The following NDST4 variants were observed in gnomAD, a reference collection of about 807,000 sequenced individuals.
The protein encoded by NDST4 is N-heparan sulfate sulfotransferase 4.
A neutral mutation model predicts 100.8 loss-of-function variants in NDST4; 63 were observed. The observed-to-expected ratio is 0.62, with a 90% CI of 0.51 to 0.77. The LOEUF (loss-of-function observed/expected upper bound fraction) is 0.77, where lower values mean the gene tolerates loss of function less well. Ranked by LOEUF, NDST4 falls within the 30% of genes least tolerant of loss-of-function variation. NDST4 has a pLI of 0.00. For missense variants in NDST4, 943 were observed against 1,018.4 expected, an observed-to-expected ratio of 0.93 and a Z score of 1.01; for synonymous variants, 377 against 361.8, an observed-to-expected ratio of 1.04 and a Z score of -0.48.
chr4:114,990,301 TTAAAA>T (rs1213477319), intron 2 of NDST4, among the ~76,000 whole-genome samples: 1 of 152,068 alleles, frequency 6.6e-6, no homozygotes, highest in Non-Finnish European at 1.5e-5. Flanking sequence ...CACTGAATTA[TTAAAA>T]TAAAACTCCT....
At chr4:115,025,781 T>C (rs1443086787) in intron 2 of NDST4, among the ~76,000 whole-genome samples, 1 of 152,186 alleles carries the variant, frequency 6.6e-6, no homozygotes, top group African/African-American at 2.4e-5. Context: ...TCAAATGTAG[T>C]AACCCTGGGT....
chr4:114,949,219 T>C (rs1416050394), intron 4 of NDST4, among the ~76,000 whole-genome samples: 1 of 151,944 alleles, frequency 6.6e-6, no homozygotes, highest in Non-Finnish European at 1.5e-5. Flanking sequence ...TTAGAAAGTA[T>C]TAAAATATTA....
At chr4:114,861,463 G>T (rs931755360) in intron 7 of NDST4, among the ~76,000 whole-genome samples, 1 of 152,122 alleles carries the variant, frequency 6.6e-6, no homozygotes, top group Non-Finnish European at 1.5e-5. Context: ...AGTTAGGCAA[G>T]ATTAGTTAGG....
chr4:114,889,820 T>C (rs1271821674), intron 6 of NDST4, among the ~76,000 whole-genome samples: 1 of 152,158 alleles, frequency 6.6e-6, no homozygotes, highest in Non-Finnish European at 1.5e-5. Flanking sequence ...ATGGGGAATT[T>C]TTTTATTTTC....
At chr4:115,016,927 C>T (rs986923661) in intron 2 of NDST4, among the ~76,000 whole-genome samples, 1 of 151,788 alleles carries the variant, frequency 6.6e-6, no homozygotes, top group African/African-American at 2.4e-5. Flanking sequence ...GACCATGTGA[C>T]CAGTTGTAGA....
At chr4:115,050,677 G>A (rs1728563717) in intron 2 of NDST4, among the ~76,000 whole-genome samples, 1 of 152,056 alleles carries the variant, frequency 6.6e-6, no homozygotes, top group Non-Finnish European at 1.5e-5. Flanking sequence ...TGGTTATTGT[G>A]TTCATGAATC....
chr4:114,881,248 G>T (rs945752643), intron 6 of NDST4, among the ~76,000 whole-genome samples: 2 of 152,004 alleles, frequency 1.3e-5, no homozygotes, highest in African/African-American at 2.4e-5. Flanking sequence ...TGATTGAGAG[G>T]TGATGACTAC....
intron 1 of NDST4, 87 bp downstream of exon 1, chr4:115,113,353 CTTTA>C (rs141646286): frequency 5.9e-5 from 9 of 152,026 alleles, no homozygotes; most frequent in African/African-American, 2.2e-4. Flanking sequence ...ACAAATAAAA[CTTTA>C]TTGTGTCCGA....
At chr4:114,929,113 C>CATCTATCT (rs70964332) in intron 6 of NDST4, among the ~76,000 whole-genome samples, 6,665 of 116,884 alleles carry the variant, frequency 0.057, 438 homozygotes, top group East Asian at 0.12. Flanking sequence ...TCCATCCATC[C>CATCTATCT]ATCTATCTAT....
intron 10 of NDST4, among the ~76,000 whole-genome samples, chr4:114,845,123 A>G (rs1723516770): frequency 6.6e-6 from 1 of 152,112 alleles, no homozygotes; most frequent in Admixed American, 6.6e-5. Context: ...CGAGCCCGGG[A>G]GTTCAAGACC....
chr4:114,932,867 G>A (rs369828018), intron 6 of NDST4, among the ~76,000 whole-genome samples: 6 of 152,034 alleles, frequency 3.9e-5, no homozygotes, highest in East Asian at 3.9e-4. Context: ...TGGATTGAGC[G>A]AATTAATAGT....
chr4:115,065,547 C>T (rs1372110725), intron 2 of NDST4, among the ~76,000 whole-genome samples: 1 of 152,056 alleles, frequency 6.6e-6, no homozygotes, highest in Non-Finnish European at 1.5e-5. Flanking sequence ...ATGATTAGCA[C>T]ATTTTAGCAT....
At chr4:114,958,052 G>T (rs1461229704) in intron 4 of NDST4, among the ~76,000 whole-genome samples, 8 of 152,200 alleles carry the variant, frequency 5.3e-5, no homozygotes, top group Non-Finnish European at 1.0e-4. Flanking sequence ...CTAGAGGATG[G>T]TGACCCTCTT....
At chr4:114,954,378 C>G (rs1282403726) in intron 4 of NDST4, among the ~76,000 whole-genome samples, 1 of 152,022 alleles carries the variant, frequency 6.6e-6, no homozygotes, top group East Asian at 1.9e-4. Context: ...GCATATCTAT[C>G]ATGAGGCTTA....
Position 114,930,201 on chromosome 4 carries a change from T to C in NDST4, c.1536+5005A>G, listed in dbSNP as rs114069048. ...GTTGATTTTGAAATATGCACAAAAATTGAAATATCTCAGATATAGCTTTGG... is the reference window on the plus strand; with the variant it reads ...GTTGATTTTGAAATATGCACAAAAACTGAAATATCTCAGATATAGCTTTGG... On this transcript the variant is annotated intron_variant, in intron 6 of 13. Coordinates refer to ENST00000264363, the MANE Select transcript of NDST4 (RefSeq NM_022569.3). Among the ~76,000 whole-genome samples, 1,259 of 152,302 alleles carry C rather than the reference T, an allele frequency of 8.3e-3. 14 individuals carry two copies. Among genetic ancestry groups the C allele is most frequent in the African/African-American group, 0.024 (1,011 of 41,564 alleles).
At chr4:114,947,807 T>C (rs2126230775) in intron 4 of NDST4, among the ~76,000 whole-genome samples, 1 of 152,258 alleles carries the variant, frequency 6.6e-6, no homozygotes, top group Non-Finnish European at 1.5e-5. Flanking sequence ...GTACCTCAAA[T>C]ATTTATGTGC....
At chr4:114,907,654 T>C (rs944611455) in intron 6 of NDST4, among the ~76,000 whole-genome samples, 2 of 151,990 alleles carry the variant, frequency 1.3e-5, no homozygotes, top group African/African-American at 4.8e-5. Flanking sequence ...TATGTTATGA[T>C]AGGGGATCAG....
At chr4:114,995,470 C>G (rs1727138914) in intron 2 of NDST4, among the ~76,000 whole-genome samples, 1 of 152,016 alleles carries the variant, frequency 6.6e-6, no homozygotes, top group African/African-American at 2.4e-5. Context: ...CATTACAATG[C>G]TGACATCCTG....
At chr4:114,998,422 G>A (rs1727211841) in intron 2 of NDST4, among the ~76,000 whole-genome samples, 1 of 152,046 alleles carries the variant, frequency 6.6e-6, no homozygotes, top group South Asian at 2.1e-4. Flanking sequence ...GAGATGAGGA[G>A]GTCATGGCTC....
Sources: gnomAD v4.1 joint callset for allele counts (sites outside exome capture counted in the v4.1 genomes callset) on GRCh38, gnomAD v4.1.1 for gene constraint, MANE v1.5 for transcripts, NCBI Gene and HGNC (gene_info 2026-07-23, HGNC 2026-07-21) for gene names.